NRG3: variants seen among roughly 807,000 people sequenced by gnomAD.
NRG3 encodes pro-neuregulin-3, membrane-bound isoform.
A neutral mutation model predicts 66.9 loss-of-function variants in NRG3; 31 were observed. That is an observed-to-expected ratio of 0.46 (90% confidence interval 0.35 to 0.63). NRG3 has a LOEUF of 0.63. Among genes scored for constraint, NRG3 ranks in the 20% least tolerant of loss-of-function variants. The probability of loss-of-function intolerance (pLI) is 0.00; values close to 1 mark genes in which losing one functional copy is unlikely to be tolerated. For missense variants in NRG3, 910 were observed against 878.9 expected, an observed-to-expected ratio of 1.04 and a Z score of -0.45; for synonymous variants, 393 against 359.4, an observed-to-expected ratio of 1.09 and a Z score of -1.06.
intron 1 of NRG3, among the ~76,000 whole-genome samples, chr10:82,163,353 C>A (rs2132980976): frequency 6.6e-6 from 1 of 152,196 alleles, no homozygotes; most frequent in South Asian, 2.1e-4. Context: ...CATATATGAA[C>A]TTTTCATTCC....
chr10:82,923,691 A>C (rs1389292368), intron 4 of NRG3, among the ~76,000 whole-genome samples: 1 of 151,620 alleles, frequency 6.6e-6, no homozygotes, highest in African/African-American at 2.4e-5. Flanking sequence ...GGCAATTAGC[A>C]TTAGGAAAGC....
chr10:82,778,463 A>G (rs2059990551), intron 3 of NRG3, among the ~76,000 whole-genome samples: 1 of 152,174 alleles, frequency 6.6e-6, no homozygotes, highest in South Asian at 2.1e-4. Flanking sequence ...GGATGGAGTG[A>G]GTGCAAGCAG....
chr10:82,290,694 G>C (rs1489827361), intron 1 of NRG3, among the ~76,000 whole-genome samples: 1 of 151,684 alleles, frequency 6.6e-6, no homozygotes, highest in Non-Finnish European at 1.5e-5. Flanking sequence ...GAGTGCAGTG[G>C]CGCGATCTCG....
In NRG3 at chr10:82,738,667, T is replaced by C; in HGVS notation, c.1027+17T>C. 8 of 1,608,960 alleles carry C rather than the reference T, an allele frequency of 5.0e-6. No homozygotes were observed. Among genetic ancestry groups the C allele is most frequent in the Non-Finnish European group, 6.8e-6 (8 of 1,175,286 alleles). On this transcript the variant is annotated intron_variant, in intron 3 of 8. Coordinates refer to ENST00000372141, the MANE Select transcript of NRG3 (RefSeq NM_001010848.4). ...CGGATCCAAGTAGGTCAAGCATTTT[T>C]CTTCTCTCTAATGCAATATATAGGC... is the stretch of plus-strand genomic sequence containing the variant.
At position 82,474,626 on chromosome 10, in the gene NRG3, C is replaced by T. The variant is rs528590599; in HGVS notation, c.953+115758C>T. 3.9e-5 allele frequency among the ~76,000 whole-genome samples: 6 copies of T among 152,026 alleles called. No homozygotes were observed. The South Asian group carries it at 1.2e-3, about 32-fold the overall frequency. Reference sequence around the variant, plus strand: ...AATGGAGCCTCAGGGATGTGTGGGCCATTACCAAGGGGACCAATGTATGTA... The same window carrying T: ...AATGGAGCCTCAGGGATGTGTGGGCTATTACCAAGGGGACCAATGTATGTA... On this transcript the variant is annotated intron_variant, in intron 2 of 8. Coordinates refer to ENST00000372141, the MANE Select transcript of NRG3 (RefSeq NM_001010848.4).
intron 1 of NRG3, among the ~76,000 whole-genome samples, chr10:81,968,453 A>G (rs1472510402): frequency 2.0e-5 from 3 of 152,134 alleles, no homozygotes; most frequent in Non-Finnish European, 1.5e-5. Context: ...GATGAGAGTG[A>G]GAAAGTGAGA....
chr10:82,315,274 T>C (rs925379469), intron 1 of NRG3, among the ~76,000 whole-genome samples: 8 of 152,194 alleles, frequency 5.3e-5, no homozygotes, highest in African/African-American at 1.9e-4. Context: ...TTGAAACTCC[T>C]TTTCTGAGCC....
At chr10:82,156,424 T>C (rs1260620175) in intron 1 of NRG3, among the ~76,000 whole-genome samples, 1 of 151,608 alleles carries the variant, frequency 6.6e-6, no homozygotes, top group Non-Finnish European at 1.5e-5. Flanking sequence ...ATTTGTCTTC[T>C]CAGGTATTGT....
chr10:82,771,258 C>T (rs2059702242), intron 3 of NRG3, among the ~76,000 whole-genome samples: 1 of 152,102 alleles, frequency 6.6e-6, no homozygotes, highest in African/African-American at 2.4e-5. Context: ...ATGAACTGAT[C>T]AACTTCAATG....
chr10:82,313,698 T>G (rs1366014318), intron 1 of NRG3, among the ~76,000 whole-genome samples: 2 of 152,108 alleles, frequency 1.3e-5, no homozygotes, highest in African/African-American at 4.8e-5. Flanking sequence ...GGTTTCCAAC[T>G]ATGTCAGGGC....
intron 1 of NRG3, among the ~76,000 whole-genome samples, chr10:82,143,068 C>A (rs774359354): frequency 6.6e-6 from 1 of 151,698 alleles, no homozygotes; most frequent in Non-Finnish European, 1.5e-5. Flanking sequence ...TGTGCCCAGC[C>A]AAGATTTTCT....
intron 2 of NRG3, among the ~76,000 whole-genome samples, chr10:82,568,443 A>G (rs1197758654): frequency 6.6e-6 from 1 of 151,874 alleles, no homozygotes; most frequent in Non-Finnish European, 1.5e-5. Flanking sequence ...AAATTAGTTT[A>G]TTCTAGAATG....
rs1850346270 is a variant in NRG3, at chr10:82,958,967, C to A, written c.1176C>A (p.Ile392=). Residue 392 remains isoleucine, a synonymous_variant, in exon 6 of 9, where the codon ATC becomes ATA. Coordinates refer to ENST00000372141, the MANE Select transcript of NRG3 (RefSeq NM_001010848.4). ...CCTGCAGGAAACAAGCTAAACAAATCCAAGAGCAGCTGAAAGTGCCACAAA... is the reference window on the plus strand; with the variant it reads ...CCTGCAGGAAACAAGCTAAACAAATACAAGAGCAGCTGAAAGTGCCACAAA... ...YFKSKKQAKQ[I]QEQLKVPQNG... The A allele has an allele frequency of 1.3e-6, 2 of 1,598,096 alleles. No homozygotes were observed. The highest frequency in any genetic ancestry group is 1.7e-6 in the Non-Finnish European group (2 of 1,175,058).
In NRG3 at chr10:82,130,656, C is replaced by A. The variant is rs561035705; in HGVS notation, c.824-228083C>A. ...GTTGTTGTACTGATTTGCCTTCCTA[C>A]CACAAAGTACAAGGGTTCCCTTTTC... On this transcript the variant is annotated intron_variant, in intron 1 of 8. Coordinates refer to ENST00000372141, the MANE Select transcript of NRG3 (RefSeq NM_001010848.4). Among the ~76,000 whole-genome samples, 5 of 152,246 alleles carry A rather than the reference C, an allele frequency of 3.3e-5. No homozygotes were observed. In the South Asian group the frequency reaches 8.3e-4, roughly 25 times the overall value.
At chr10:82,090,964 C>T (rs1052893598) in intron 1 of NRG3, among the ~76,000 whole-genome samples, 8 of 152,102 alleles carry the variant, frequency 5.3e-5, no homozygotes, top group Admixed American at 1.3e-4. Flanking sequence ...AGGAGCATAA[C>T]GGTGCAGTGT....
intron 2 of NRG3, among the ~76,000 whole-genome samples, chr10:82,650,631 C>T (rs1488990626): frequency 6.6e-6 from 1 of 152,154 alleles, no homozygotes; most frequent in Non-Finnish European, 1.5e-5. Context: ...AATGCTGGGC[C>T]ATGCATCCAC....
intron 1 of NRG3, among the ~76,000 whole-genome samples, chr10:82,026,432 G>C (rs1402147067): frequency 1.3e-5 from 2 of 152,044 alleles, no homozygotes; most frequent in African/African-American, 2.4e-5. Context: ...AAGCTAAAGT[G>C]CTCTTCAGGT....
intron 1 of NRG3, among the ~76,000 whole-genome samples, chr10:82,299,490 A>T (rs575731924): frequency 6.6e-6 from 1 of 152,162 alleles, no homozygotes; most frequent in Non-Finnish European, 1.5e-5. Flanking sequence ...CACGAGCCAT[A>T]GCGAAGAGGC....
At chr10:82,094,318 C>T (rs2066208342) in intron 1 of NRG3, among the ~76,000 whole-genome samples, 1 of 152,104 alleles carries the variant, frequency 6.6e-6, no homozygotes, top group African/African-American at 2.4e-5. Context: ...ATCAGAATGA[C>T]TATTATTAAA....
Sources: allele counts gnomAD v4.1 joint callset (sites outside exome capture counted in the v4.1 genomes callset), GRCh38; gene constraint gnomAD v4.1.1; transcripts MANE v1.5; gene names NCBI Gene and HGNC (gene_info 2026-07-23, HGNC 2026-07-21).